Variants in LPP observed in about 807,000 individuals in gnomAD.
LPP encodes the protein lipoma-preferred partner.
Under a neutral mutation model 60.4 loss-of-function variants are expected in LPP, and 38 were observed. That is an observed-to-expected ratio of 0.63 (90% CI 0.49 to 0.83). The LOEUF (loss-of-function observed/expected upper bound fraction) is 0.83, where lower values mean the gene tolerates loss of function less well. LPP is among the 40% of genes least tolerant of loss of function. The pLI is 0.00. For missense variants in LPP, 902 were observed against 783.6 expected (o/e 1.15, Z -1.80); for synonymous variants, 328 against 290.8 (o/e 1.13, Z -1.30).
intron 2 of LPP, among the ~76,000 whole-genome samples, chr3:188,247,809 A>C (rs1727544143): frequency 6.6e-6 from 1 of 152,016 alleles, no homozygotes; most frequent in Non-Finnish European, 1.5e-5. Flanking sequence ...AGAAAAAAAA[A>C]AAAAAAAAGA....
At chr3:188,745,177 A>G (rs1266294969) in intron 8 of LPP, among the ~76,000 whole-genome samples, 1 of 152,048 alleles carries the variant, frequency 6.6e-6, no homozygotes. Flanking sequence ...GCCTTCATTT[A>G]TTTTATATGG....
At chr3:188,337,989 T>C (rs996702994) in intron 2 of LPP, among the ~76,000 whole-genome samples, 1 of 152,260 alleles carries the variant, frequency 6.6e-6, no homozygotes, top group Non-Finnish European at 1.5e-5. Flanking sequence ...TCTCTCATTT[T>C]ATTTCTAGAT....
At position 188,524,696 on chromosome 3, in the gene LPP, G is replaced by A; in HGVS notation, c.338G>A (p.Arg113Lys). 6.2e-7 allele frequency: 1 copy of A among 1,614,012 alleles called. No homozygotes were observed. The highest frequency in any genetic ancestry group is 8.5e-7 in the Non-Finnish European group (1 of 1,179,944). ...GNPGGKTLEE[R>K]RSSLDAEIDS... ...CCCGGAGGCAAGACACTTGAGGAGAGGCGCTCCAGCCTGGACGCTGAGATT... is the reference window on the plus strand; with the variant it reads ...CCCGGAGGCAAGACACTTGAGGAGAAGCGCTCCAGCCTGGACGCTGAGATT... Residue 113 changes from arginine to lysine, a missense_variant, in exon 6 of 12, where the codon AGG (arginine) becomes AAG (lysine). By Grantham distance (26) the Arg-to-Lys change is conservative. Coordinates refer to ENST00000617246, the MANE Select transcript of LPP (RefSeq NM_001375462.1).
At chr3:188,332,075 TTC>T in intron 2 of LPP, among the ~76,000 whole-genome samples, 1 of 152,212 alleles carries the variant, frequency 6.6e-6, no homozygotes, top group East Asian at 1.9e-4. Flanking sequence ...CCTCCTTTCC[TTC>T]TCTCTTTTCT....
chr3:188,381,896 C>T (rs1777001287), intron 3 of LPP, among the ~76,000 whole-genome samples: 1 of 151,866 alleles, frequency 6.6e-6, no homozygotes, highest in African/African-American at 2.4e-5. Context: ...ATCCTCTCAC[C>T]TCAGCCTCCA....
intron 4 of LPP, 135 bp downstream of exon 4, chr3:188,406,448 A>G (rs932558838): frequency 7.6e-6 from 6 of 793,864 alleles, no homozygotes; most frequent in Admixed American, 2.9e-5. Context: ...TACTAAAAGT[A>G]AAGGAGCCCC....
chr3:188,241,192 A>T, intron 2 of LPP, among the ~76,000 whole-genome samples: 1 of 152,344 alleles, frequency 6.6e-6, no homozygotes, highest in Middle Eastern at 3.4e-3. Flanking sequence ...GGGTATGGAT[A>T]GAACTACTGA....
intron 6 of LPP, among the ~76,000 whole-genome samples, chr3:188,574,670 GT>G (rs1834204604): frequency 6.6e-6 from 1 of 152,032 alleles, no homozygotes. Flanking sequence ...GTGAGCACAG[GT>G]GTAAGTAATT....
chr3:188,493,372 A>G (rs1808958294), intron 5 of LPP, among the ~76,000 whole-genome samples: 1 of 152,086 alleles, frequency 6.6e-6, no homozygotes, highest in African/African-American at 2.4e-5. Flanking sequence ...GGATTCAGCA[A>G]TTTTACTAAA....
At chr3:188,329,635 C>T (rs779137020) in intron 2 of LPP, among the ~76,000 whole-genome samples, 10 of 152,078 alleles carry the variant, frequency 6.6e-5, no homozygotes, top group Admixed American at 2.6e-4. Flanking sequence ...GGAATAATTC[C>T]GTTTTTTAAA....
At chr3:188,154,312 C>T (rs1034863034) in intron 1 of LPP, among the ~76,000 whole-genome samples, 60 bp downstream of exon 1, 9 of 152,084 alleles carry the variant, frequency 5.9e-5, no homozygotes, top group Non-Finnish European at 1.2e-4. Flanking sequence ...CGGGAACCCC[C>T]AGCCCTCCCC....
intron 7 of LPP, among the ~76,000 whole-genome samples, chr3:188,666,280 C>G (rs1210973471): frequency 6.6e-6 from 1 of 152,282 alleles, no homozygotes; most frequent in Middle Eastern, 3.4e-3. Context: ...TCACCATTTC[C>G]TAACTTATGA....
intron 5 of LPP, among the ~76,000 whole-genome samples, chr3:188,519,280 G>A (rs796629581): frequency 5.9e-5 from 9 of 152,306 alleles, no homozygotes; most frequent in African/African-American, 1.7e-4. Context: ...TGCAGCAGAA[G>A]GGATGTGGCC....
Position 188,278,528 on chromosome 3 carries a change from C to A in LPP, c.-67+53001C>A, listed in dbSNP as rs148229487. ...GGCTGAATTGGCTGACATGCATCTT[C>A]TAGTGGATTCATTGTTTTTCATGGT... On this transcript the variant is annotated intron_variant, in intron 2 of 11. Coordinates refer to ENST00000617246, the MANE Select transcript of LPP (RefSeq NM_001375462.1). Among the ~76,000 whole-genome samples, 23 of 152,286 alleles carry A rather than the reference C, an allele frequency of 1.5e-4. No individual in the cohort carries two copies. The East Asian group carries it at 4.4e-3, about 29-fold the overall frequency.
chr3:188,754,898 T>C (rs1729633097), intron 8 of LPP, among the ~76,000 whole-genome samples: 1 of 152,318 alleles, frequency 6.6e-6, no homozygotes, highest in East Asian at 1.9e-4. Flanking sequence ...TTTTTGGGCC[T>C]TCAGTGGAAG....
intron 3 of LPP, among the ~76,000 whole-genome samples, chr3:188,376,360 A>C (rs539687415): frequency 2.0e-5 from 3 of 152,040 alleles, no homozygotes; most frequent in Non-Finnish European, 2.9e-5. Flanking sequence ...GTAGGTCACT[A>C]AGGACTTGCT....
At chr3:188,771,546 T>G (rs1298877804) in intron 9 of LPP, among the ~76,000 whole-genome samples, 2 of 12,200 alleles carry the variant, frequency 1.6e-4, no homozygotes, top group East Asian at 9.8e-3. Context: ...TGAGACTCCA[T>G]CTCAAAAAAA....
intron 1 of LPP, among the ~76,000 whole-genome samples, chr3:188,203,544 T>TATATATTTTTAA (rs1732086869): frequency 9.9e-6 from 1 of 101,412 alleles, no homozygotes; most frequent in Non-Finnish European, 1.8e-5. Flanking sequence ...TTTAAATATA[T>TATATATTTTTAA]ATATATTTTT....
chr3:188,223,930 C>T (rs1311471879), intron 1 of LPP, among the ~76,000 whole-genome samples: 1 of 152,166 alleles, frequency 6.6e-6, no homozygotes, highest in African/African-American at 2.4e-5. Flanking sequence ...TCCTTGAAGA[C>T]CACTAGGTCT....
Sources: allele counts gnomAD v4.1 joint callset (sites outside exome capture counted in the v4.1 genomes callset), GRCh38; gene constraint gnomAD v4.1.1; transcripts MANE v1.5; gene names NCBI Gene and HGNC (gene_info 2026-07-23, HGNC 2026-07-21).